The following CHRNA7 variants were observed in gnomAD, a reference collection of about 807,000 sequenced individuals.
CHRNA7 encodes neuronal acetylcholine receptor subunit alpha-7.
A neutral mutation model predicts 48.0 loss-of-function variants in CHRNA7; 17 were observed. That is an observed-to-expected ratio of 0.35 (90% CI 0.24 to 0.53). CHRNA7 has a LOEUF of 0.53. Among genes scored for constraint, CHRNA7 ranks in the 20% least tolerant of loss-of-function variants. CHRNA7 has a pLI of 0.92. For synonymous variants in CHRNA7, 75 were observed against 242.3 expected (o/e 0.31, Z 6.41); for missense variants, 155 against 577.7 (o/e 0.27, Z 7.50).
intron 3 of CHRNA7, among the ~76,000 whole-genome samples, chr15:32,104,229 C>T (rs1201626042): frequency 6.6e-6 from 1 of 152,020 alleles, no homozygotes; most frequent in East Asian, 1.9e-4. Flanking sequence ...TGGCTGCACT[C>T]ACTGTCCACT....
At chr15:32,098,871 A>ACACACACAC (rs2050519510) in intron 2 of CHRNA7, 2 of 134,706 alleles carry the variant, frequency 1.5e-5, no homozygotes, top group South Asian at 2.7e-4. Context: ...CCCCCCCACC[A>ACACACACAC]ACACACACAC....
chr15:32,122,983 T>C (rs2051000094), intron 4 of CHRNA7, among the ~76,000 whole-genome samples: 1 of 152,096 alleles, frequency 6.6e-6, no homozygotes, highest in African/African-American at 2.4e-5. Context: ...ATAAAATATT[T>C]TGTTGAACTG....
intron 2 of CHRNA7, among the ~76,000 whole-genome samples, chr15:32,063,815 A>G (rs777839213): frequency 3.9e-5 from 6 of 152,204 alleles, no homozygotes; most frequent in Non-Finnish European, 7.3e-5. Context: ...TTGAAGCTCT[A>G]TGTCAGGAAC....
chr15:32,119,030 A>C, intron 4 of CHRNA7, among the ~76,000 whole-genome samples: 1 of 150,884 alleles, frequency 6.6e-6, no homozygotes, highest in Non-Finnish European at 1.5e-5. Flanking sequence ...AAAAAAAGAC[A>C]CCTCGGTTCC....
chr15:32,045,825 C>G lies in CHRNA7; in HGVS notation c.195+14788C>G, dbSNP rs1441469017. ...TAATGCTATCCCTCCCCCCTCCCCC[C>G]ACCCCACAACAGTCCCCAGAGTGTG... On this transcript the variant is annotated intron_variant, in intron 2 of 9. Transcript: ENST00000306901. 1.7e-3 allele frequency among the ~76,000 whole-genome samples: 201 copies of G among 119,310 alleles called. 1 individual carries two copies. Among genetic ancestry groups the G allele is most frequent in the African/African-American group, 5.6e-3 (179 of 32,078 alleles). The allele number at this position is 119,310 out of a possible 152,430, so 78.3% of individuals were successfully genotyped here.
chr15:32,123,493 A>T (rs1212844094), intron 4 of CHRNA7, among the ~76,000 whole-genome samples: 1 of 152,222 alleles, frequency 6.6e-6, no homozygotes, highest in African/African-American at 2.4e-5. Context: ...ATGGGTATGA[A>T]CATTATTTTA....
chr15:32,031,086 G>A, intron 2 of CHRNA7, 49 bp downstream of exon 2: 1 of 1,608,562 alleles, frequency 6.2e-7, no homozygotes, highest in Non-Finnish European at 8.5e-7. Flanking sequence ...CCTGGGCTCC[G>A]AGGGGCTTTT....
At chr15:32,130,299 C>T (rs1264788365) in intron 4 of CHRNA7, among the ~76,000 whole-genome samples, 4 of 151,904 alleles carry the variant, frequency 2.6e-5, no homozygotes, top group East Asian at 3.9e-4. Context: ...TAGTTGTGAA[C>T]TTGTCTATAT....
intron 4 of CHRNA7, among the ~76,000 whole-genome samples, chr15:32,134,935 A>G (rs2051224897): frequency 6.6e-6 from 1 of 152,242 alleles, no homozygotes. Flanking sequence ...GGAAAGTAGG[A>G]AAGAATGATT....
chr15:32,080,871 T>G lies in CHRNA7; in HGVS notation c.196-20432T>G, dbSNP rs530692957. Among the ~76,000 whole-genome samples, 4 of 152,206 alleles carry G rather than the reference T, an allele frequency of 2.6e-5. No homozygotes were observed. The East Asian group carries it at 7.7e-4, about 29-fold the overall frequency. ...ATGTTCATTGTAGCACTATTCACAA[T>G]AGCAAAGACATGGAATCAACCCAAA... is the stretch of plus-strand genomic sequence containing the variant. On this transcript the variant is annotated intron_variant, in intron 2 of 9. Transcript: ENST00000306901.
intron 2 of CHRNA7, among the ~76,000 whole-genome samples, chr15:32,039,321 C>T (rs560341923): frequency 5.9e-5 from 9 of 151,718 alleles, no homozygotes; most frequent in Non-Finnish European, 1.0e-4. Context: ...GCTCTTTTTT[C>T]TAGTTTCCTA....
rs1052311945 is a variant in CHRNA7 at position 32,030,552 on chromosome 15, G to C, written c.-43G>C. 4 of 1,445,344 alleles carry C rather than the reference G, an allele frequency of 2.8e-6. No homozygotes were observed. The highest frequency in any genetic ancestry group is 3.6e-6 in the Non-Finnish European group (4 of 1,104,962). 89.5% of individuals were successfully genotyped at this position (1,445,344 alleles called of 1,614,324 possible). A position where few individuals can be genotyped will look rare whatever the true frequency, so the allele number is the denominator to read the frequency against. On this transcript the variant is annotated 5_prime_UTR_variant, in exon 1 of 10. Coordinates refer to ENST00000306901, the MANE Select transcript of CHRNA7 (RefSeq NM_000746.6). ...GCAGGCGCAGGCCCGGGCGACAGCC[G>C]AGACGTGGAGCGCGCCGGCTCGCTG...
intron 4 of CHRNA7, among the ~76,000 whole-genome samples, chr15:32,118,831 A>C (rs1472743818): frequency 6.6e-6 from 1 of 152,074 alleles, no homozygotes; most frequent in Non-Finnish European, 1.5e-5. Flanking sequence ...GAAAGGGAAT[A>C]GTGAGGGCTG....
intron 4 of CHRNA7, among the ~76,000 whole-genome samples, chr15:32,142,984 T>G (rs2051412682): frequency 6.6e-6 from 1 of 152,208 alleles, no homozygotes; most frequent in African/African-American, 2.4e-5. Flanking sequence ...TTGCTTTTGC[T>G]TCTCTAGTTC....
intron 2 of CHRNA7, among the ~76,000 whole-genome samples, chr15:32,053,639 A>T (rs1307245199): frequency 6.6e-6 from 1 of 152,222 alleles, no homozygotes; most frequent in Non-Finnish European, 1.5e-5. Flanking sequence ...AAGACAAGGT[A>T]TCATGTACTA....
chr15:32,131,073 T>TACG (rs766278590), intron 4 of CHRNA7, among the ~76,000 whole-genome samples: 14 of 152,286 alleles, frequency 9.2e-5, no homozygotes, highest in Non-Finnish European at 1.8e-4. Context: ...TTTTCCCCCT[T>TACG]ACGGATCATT....
At chr15:32,135,085 G>T (rs921144067) in intron 4 of CHRNA7, among the ~76,000 whole-genome samples, 1 of 152,214 alleles carries the variant, frequency 6.6e-6, no homozygotes, top group African/African-American at 2.4e-5. Flanking sequence ...GCACACTGTG[G>T]CCAAGGTCAT....
Position 32,132,689 on chromosome 15 carries a change from G to A in CHRNA7, c.350+20790G>A, listed in dbSNP as rs2051177006. Among the ~76,000 whole-genome samples, 3 of 152,076 alleles carry A rather than the reference G, an allele frequency of 2.0e-5. No homozygotes were observed. The South Asian group carries it at 6.2e-4, about 32-fold the overall frequency. ...AGAGGGAGTGGGAGAGGGAGAGAGA[G>A]GGGCACGTGCTGGCTTCCCTCTTCC... On this transcript the variant is annotated intron_variant, in intron 4 of 9. Coordinates refer to ENST00000306901, the MANE Select transcript of CHRNA7 (RefSeq NM_000746.6).
chr15:32,087,351 T>C (rs184811419), intron 2 of CHRNA7, among the ~76,000 whole-genome samples: 1 of 152,334 alleles, frequency 6.6e-6, no homozygotes, highest in East Asian at 1.9e-4. Flanking sequence ...TCCTTCTTTC[T>C]GGCTCTACAG....
Sources: allele counts gnomAD v4.1 joint callset (sites outside exome capture counted in the v4.1 genomes callset), GRCh38; gene constraint gnomAD v4.1.1; transcripts MANE v1.5; gene names NCBI Gene and HGNC (gene_info 2026-07-23, HGNC 2026-07-21).